REDIC1: variants seen among roughly 807,000 people sequenced by gnomAD.
REDIC1 encodes regulator of DNA class I crossover intermediates 1.
the REDIC1 span, among the ~76,000 whole-genome samples, chr12:39,775,137 A>G: frequency 6.6e-6 from 1 of 152,196 alleles, no homozygotes; most frequent in Non-Finnish European, 1.5e-5. Context: ...CAAGATTAAC[A>G]TAGATAGAGA....
At chr12:39,859,319 T>TA in the REDIC1 span, among the ~76,000 whole-genome samples, 1 of 125,216 alleles carries the variant, frequency 8.0e-6, no homozygotes, top group African/African-American at 3.2e-5. Context: ...GCTGGCAGTT[T>TA]TTTTTTTTTT....
At chr12:39,716,781 G>T in the REDIC1 span, 19 of 1,602,992 alleles carry the variant, frequency 1.2e-5, no homozygotes, top group Non-Finnish European at 1.6e-5. Context: ...AGAGTAGTCG[G>T]TCTACTAGTT....
the REDIC1 span, among the ~76,000 whole-genome samples, chr12:39,785,566 C>A: frequency 6.6e-6 from 1 of 152,178 alleles, no homozygotes; most frequent in African/African-American, 2.4e-5. Context: ...CCTACTGGGG[C>A]ACTGCCTGGT....
chr12:39,893,620 G>T, the REDIC1 span, among the ~76,000 whole-genome samples: 1 of 152,178 alleles, frequency 6.6e-6, no homozygotes, highest in African/African-American at 2.4e-5. Context: ...TTTCTAATAA[G>T]AGTAAAATCC....
At chr12:39,689,779 T>A in the REDIC1 span, among the ~76,000 whole-genome samples, 1 of 152,176 alleles carries the variant, frequency 6.6e-6, no homozygotes, top group Non-Finnish European at 1.5e-5. Flanking sequence ...TTCCTTTAAA[T>A]AATTCATATT....
At chr12:39,821,125 C>CA in the REDIC1 span, among the ~76,000 whole-genome samples, 4 of 151,818 alleles carry the variant, frequency 2.6e-5, no homozygotes, top group Admixed American at 6.6e-5. Context: ...TTTTATAACT[C>CA]AAAAAAAATT....
At chr12:39,640,921 A>G in the REDIC1 span, 5 of 1,565,050 alleles carry the variant, frequency 3.2e-6, no homozygotes, top group East Asian at 9.0e-5. Context: ...CATTTCTTTG[A>G]TCACTATATA....
chr12:39,784,902 T>G, the REDIC1 span, among the ~76,000 whole-genome samples: 1 of 152,142 alleles, frequency 6.6e-6, no homozygotes. Context: ...AGAGAGATGA[T>G]TTAGGGTATC....
the REDIC1 span, among the ~76,000 whole-genome samples, chr12:39,848,841 AT>A: frequency 3.2e-4 from 48 of 152,340 alleles, 1 homozygote; most frequent in Non-Finnish European, 1.5e-4. Flanking sequence ...TTATGCATCC[AT>A]AAAAAAGGAC....
At chr12:39,786,452 C>T in the REDIC1 span, among the ~76,000 whole-genome samples, 1 of 148,362 alleles carries the variant, frequency 6.7e-6, no homozygotes, top group African/African-American at 2.5e-5. Flanking sequence ...TTCAGTATGT[C>T]TTTATCAGCA....
At chr12:39,896,262 G>A in the REDIC1 span, among the ~76,000 whole-genome samples, 14 of 71,466 alleles carry the variant, frequency 2.0e-4, no homozygotes, top group Admixed American at 1.9e-3. Flanking sequence ...GTATGTATAT[G>A]TGTGTATATA....
At chr12:39,823,637 C>T in the REDIC1 span, among the ~76,000 whole-genome samples, 17 of 147,606 alleles carry the variant, frequency 1.2e-4, no homozygotes, top group East Asian at 1.8e-3. Flanking sequence ...TTATTATAGA[C>T]GGAGTTCTGC....
At chr12:39,756,917 C>T in the REDIC1 span, 2 of 151,542 alleles carry the variant, frequency 1.3e-5, no homozygotes, top group South Asian at 4.1e-4. Context: ...CAGGGAACTA[C>T]TGTGTATGGC....
the REDIC1 span, among the ~76,000 whole-genome samples, chr12:39,671,826 A>G: frequency 2.0e-5 from 3 of 152,062 alleles, no homozygotes; most frequent in East Asian, 1.9e-4. Flanking sequence ...GGAGATCTCC[A>G]GGCCTCTGGA....
chr12:39,676,152 C>T, the REDIC1 span, among the ~76,000 whole-genome samples: 796 of 151,100 alleles, frequency 5.3e-3, 11 homozygotes, highest in African/African-American at 0.018. Context: ...ATATACTACT[C>T]AAGGAGGTAC....
chr12:39,842,430 A>G, the REDIC1 span, among the ~76,000 whole-genome samples: 3 of 152,056 alleles, frequency 2.0e-5, no homozygotes, highest in Admixed American at 2.0e-4. Flanking sequence ...GTTGAAATGT[A>G]AAGTTATGCC....
chr12:39,905,355 T>C, the REDIC1 span, among the ~76,000 whole-genome samples: 8 of 152,246 alleles, frequency 5.3e-5, no homozygotes, highest in African/African-American at 1.9e-4. Context: ...TCATCCAAGC[T>C]GCACAGTGCG....
the REDIC1 span, among the ~76,000 whole-genome samples, chr12:39,711,109 T>A: frequency 6.6e-6 from 1 of 151,486 alleles, no homozygotes; most frequent in South Asian, 2.1e-4. Flanking sequence ...CATCTTCATA[T>A]CTTAGTTACC....
At chr12:39,830,955 T>A in the REDIC1 span, among the ~76,000 whole-genome samples, 2 of 152,196 alleles carry the variant, frequency 1.3e-5, no homozygotes, top group Non-Finnish European at 2.9e-5. Context: ...AGCAGTATTC[T>A]AACTGCAGAA....
Sources: allele counts gnomAD v4.1 joint callset (sites outside exome capture counted in the v4.1 genomes callset), GRCh38; gene constraint gnomAD v4.1.1; transcripts MANE v1.5; gene names NCBI Gene and HGNC (gene_info 2026-07-23, HGNC 2026-07-21).